The following STXBP6 variants were observed in gnomAD, a reference collection of about 807,000 sequenced individuals.
STXBP6 encodes the protein syntaxin binding protein 6.
A neutral mutation model predicts 26.9 loss-of-function variants in STXBP6; 21 were observed. The ratio of observed to expected loss-of-function variants is 0.78; its 90% CI spans 0.55 to 1.12. STXBP6 has a LOEUF of 1.12. Ranked by LOEUF, STXBP6 falls within the 50% of genes most tolerant of loss-of-function variation. The pLI, the probability that STXBP6 is intolerant of heterozygous loss-of-function variation, is 0.00. For synonymous variants in STXBP6, 97 were observed against 92.6 expected, an observed-to-expected ratio of 1.05 and a Z score of -0.27; for missense variants, 232 against 257.9, an observed-to-expected ratio of 0.90 and a Z score of 0.69.
chr14:24,932,496 G>A (rs1372092372), intron 2 of STXBP6, among the ~76,000 whole-genome samples: 1 of 152,074 alleles, frequency 6.6e-6, no homozygotes, highest in African/African-American at 2.4e-5. Flanking sequence ...CTGCAGCCTG[G>A]ATGATAGAGT....
At chr14:24,896,293 C>G (rs2070989693) in intron 2 of STXBP6, among the ~76,000 whole-genome samples, 1 of 139,732 alleles carries the variant, frequency 7.2e-6, no homozygotes, top group South Asian at 2.4e-4. Context: ...TCAAGTTTTG[C>G]TCTACTAAGA....
Position 24,819,092 on chromosome 14 carries a change from T to A in STXBP6, c.554A>T (p.Glu185Val), listed in dbSNP as rs764226326. 6.2e-7 allele frequency: 1 copy of A among 1,613,752 alleles called. No homozygotes were observed. Among genetic ancestry groups the A allele is most frequent in the South Asian group, 1.1e-5 (1 of 91,034 alleles). The part of the protein sequence containing the change: ...ERGERLGRAE[E>V]KTEDLKNSAQ... ...GCTGTTCTTCAGGTCTTCTGTCTTC[T>A]CCTCTGCTCGGCCTAATCGCTCTCC... Residue 185 changes from glutamate to valine, a missense_variant, in exon 5 of 6, where the codon GAG becomes GTG. Transcript: ENST00000323944.
chr14:24,944,910 C>G (rs765079941), intron 2 of STXBP6, among the ~76,000 whole-genome samples: 2 of 152,042 alleles, frequency 1.3e-5, no homozygotes, highest in African/African-American at 4.8e-5. Context: ...GACTCTGCCA[C>G]TAGCAAACAA....
chr14:24,842,547 A>C (rs995948877), intron 4 of STXBP6, among the ~76,000 whole-genome samples: 2 of 152,188 alleles, frequency 1.3e-5, no homozygotes, highest in Admixed American at 1.3e-4. Flanking sequence ...GGAGCCTCAA[A>C]ATACAAATTT....
intron 4 of STXBP6, among the ~76,000 whole-genome samples, chr14:24,849,509 T>C (rs745828374): frequency 2.0e-5 from 3 of 152,162 alleles, no homozygotes; most frequent in Admixed American, 1.3e-4. Context: ...GAGGACTAAG[T>C]AGCAGGTCTT....
chr14:24,932,497 A>G (rs1416278977), intron 2 of STXBP6, among the ~76,000 whole-genome samples: 1 of 152,182 alleles, frequency 6.6e-6, no homozygotes, highest in African/African-American at 2.4e-5. Flanking sequence ...TGCAGCCTGG[A>G]TGATAGAGTG....
intron 2 of STXBP6, among the ~76,000 whole-genome samples, chr14:24,959,420 C>G (rs1043436716): frequency 2.0e-5 from 3 of 152,132 alleles, no homozygotes; most frequent in Non-Finnish European, 2.9e-5. Flanking sequence ...GAACACAGAG[C>G]AATCTCTCCT....
intron 1 of STXBP6, among the ~76,000 whole-genome samples, chr14:25,026,554 C>T (rs2075353552): frequency 6.6e-6 from 1 of 152,174 alleles, no homozygotes; most frequent in Admixed American, 6.5e-5. Context: ...TAAATAGACT[C>T]ACATTTGTTC....
At chr14:24,970,285 T>TA (rs2073866803) in intron 2 of STXBP6, among the ~76,000 whole-genome samples, 1 of 151,706 alleles carries the variant, frequency 6.6e-6, no homozygotes, top group Non-Finnish European at 1.5e-5. Context: ...TTATATATAA[T>TA]AAAATACAAC....
chr14:24,972,365 A>C (rs1402632066), intron 2 of STXBP6, among the ~76,000 whole-genome samples: 1 of 152,210 alleles, frequency 6.6e-6, no homozygotes, highest in East Asian at 1.9e-4. Flanking sequence ...TTTCACTGAG[A>C]TGAGGCTGTT....
chr14:24,898,587 G>A (rs886859317), intron 2 of STXBP6, among the ~76,000 whole-genome samples: 3 of 152,120 alleles, frequency 2.0e-5, no homozygotes, highest in Non-Finnish European at 4.4e-5. Flanking sequence ...TGAGGCAGGA[G>A]AATCGCTTGA....
chr14:24,942,993 T>C (rs2072857633), intron 2 of STXBP6, among the ~76,000 whole-genome samples: 1 of 152,226 alleles, frequency 6.6e-6, no homozygotes, highest in African/African-American at 2.4e-5. Context: ...AAATCTGAAA[T>C]CAGTTTCAGA....
At chr14:24,976,095 C>T (rs2074037652) in intron 1 of STXBP6, among the ~76,000 whole-genome samples, 2 of 152,202 alleles carry the variant, frequency 1.3e-5, no homozygotes, top group African/African-American at 4.8e-5. Flanking sequence ...CTATGTGCCA[C>T]TTCTATGATA....
chr14:25,022,899 C>T (rs1462982758), intron 1 of STXBP6, among the ~76,000 whole-genome samples: 1 of 152,160 alleles, frequency 6.6e-6, no homozygotes, highest in Non-Finnish European at 1.5e-5. Flanking sequence ...TCATGATGTT[C>T]CTACACCTCA....
intron 1 of STXBP6, among the ~76,000 whole-genome samples, chr14:24,989,887 T>C (rs779233629): frequency 6.6e-6 from 1 of 152,206 alleles, no homozygotes; most frequent in Non-Finnish European, 1.5e-5. Context: ...CTCACCTTTA[T>C]ACGTTAAGCA....
intron 4 of STXBP6, among the ~76,000 whole-genome samples, chr14:24,842,619 C>T (rs184848209): frequency 6.5e-4 from 99 of 152,136 alleles, no homozygotes; most frequent in Non-Finnish European, 1.0e-3. Context: ...ACACAAGAAT[C>T]CAAAAATTCT....
chr14:24,857,273 C>T lies in STXBP6; in HGVS notation c.155-116G>A, dbSNP rs1292319596. 6 of 1,359,960 alleles carry T rather than the reference C, an allele frequency of 4.4e-6. No homozygotes were observed. In the African/African-American group the frequency reaches 8.7e-5, roughly 20 times the overall value. The allele number at this position is 1,359,960 out of a possible 1,614,324, so 84.2% of individuals were successfully genotyped here. ...TATATGCACAATAACAGAGAGAAGG[C>T]AGAGGGGGAAAGGAGGGAATATGAA... is the stretch of plus-strand genomic sequence containing the variant. On this transcript the variant is annotated intron_variant, in intron 2 of 5. Coordinates refer to ENST00000323944, the MANE Select transcript of STXBP6 (RefSeq NM_001394410.1).
chr14:25,010,661 G>A (rs1267465678), intron 1 of STXBP6: 1 of 152,220 alleles, frequency 6.6e-6, no homozygotes, highest in Non-Finnish European at 1.5e-5. Flanking sequence ...GAAAGGCGGA[G>A]CCTTAGTGAC....
At position 25,046,889 on chromosome 14, in the gene STXBP6, A is replaced by G. The variant is rs867699725; in HGVS notation, c.-33+2989T>C. Among the ~76,000 whole-genome samples, 5 of 152,150 alleles carry G rather than the reference A, an allele frequency of 3.3e-5. 1 individual carries two copies. Among genetic ancestry groups the G allele is most frequent in the South Asian group, 4.1e-4 (2 of 4,824 alleles). ...AGCTGCCCCTGAAAGCCAGCCTTCT[A>G]CCCTCTTAGAGACGAAGAGAGGGTC... is the stretch of plus-strand genomic sequence containing the variant. On this transcript the variant is annotated intron_variant, in intron 1 of 5. Coordinates refer to ENST00000323944, the MANE Select transcript of STXBP6 (RefSeq NM_001394410.1).
Sources: allele counts gnomAD v4.1 joint callset (sites outside exome capture counted in the v4.1 genomes callset), GRCh38; gene constraint gnomAD v4.1.1; transcripts MANE v1.5; gene names NCBI Gene and HGNC (gene_info 2026-07-23, HGNC 2026-07-21).